Variants in NEDD1 observed in about 807,000 individuals in gnomAD.
NEDD1 encodes the protein protein NEDD1.
In NEDD1, 33 loss-of-function variants were observed where a neutral mutation model predicts 74.0. The observed-to-expected ratio is 0.45, with a 90% confidence interval of 0.34 to 0.60. NEDD1 has a LOEUF of 0.60. NEDD1 is among the 20% of genes least tolerant of loss of function. The pLI, the probability that NEDD1 is intolerant of heterozygous loss-of-function variation, is 0.01. For missense variants in NEDD1, 746 were observed against 776.5 expected, an observed-to-expected ratio of 0.96 and a Z score of 0.47; for synonymous variants, 250 against 264.4, an observed-to-expected ratio of 0.95 and a Z score of 0.53.
At chr12:96,928,549 T>G in intron 6 of NEDD1, among the ~76,000 whole-genome samples, 1 of 152,090 alleles carries the variant, frequency 6.6e-6, no homozygotes, top group East Asian at 1.9e-4. Context: ...TTGAAACCCT[T>G]TTAAGTCACT....
chr12:96,926,672 T>C (rs950164177), intron 6 of NEDD1, among the ~76,000 whole-genome samples: 3 of 152,070 alleles, frequency 2.0e-5, no homozygotes, highest in Non-Finnish European at 4.4e-5. Flanking sequence ...AAAGTTTTGT[T>C]AAGATTTCTC....
chr12:96,907,740 C>G lies in NEDD1; in HGVS notation c.-125C>G, dbSNP rs1048056626. 19 of 1,545,020 alleles carry G rather than the reference C, an allele frequency of 1.2e-5. No homozygotes were observed. The highest frequency in any genetic ancestry group is 1.6e-5 in the Non-Finnish European group (18 of 1,143,434). On this transcript the variant is annotated 5_prime_UTR_variant, in exon 2 of 16. Coordinates refer to ENST00000266742, the MANE Select transcript of NEDD1 (RefSeq NM_152905.4). Reference sequence around the variant, plus strand: ...TTGAATTGGTTCCTGTAGCCGCTGTCCCTAAACCCAGGCCGACGTTACCGC... The same window carrying G: ...TTGAATTGGTTCCTGTAGCCGCTGTGCCTAAACCCAGGCCGACGTTACCGC...
chr12:96,921,308 A>C (rs544439773), intron 6 of NEDD1, among the ~76,000 whole-genome samples: 1 of 152,266 alleles, frequency 6.6e-6, no homozygotes, highest in Admixed American at 6.5e-5. Flanking sequence ...CAGTCTCCCA[A>C]GTAACTGGGA....
Position 96,940,472 on chromosome 12 carries a change from A to G in NEDD1, c.1181A>G (p.Asp394Gly), listed in dbSNP as rs1188282616. The G allele has an allele frequency of 4.4e-6, 7 of 1,604,830 alleles. No homozygotes were observed. The highest frequency in any genetic ancestry group is 5.1e-6 in the Non-Finnish European group (6 of 1,172,638). The change falls in exon 10 of 16, where the codon GAT becomes GGT. Residue 394 changes from aspartate (D) to glycine (G), a missense_variant. Physicochemically the swap from Asp to Gly is moderately conservative, Grantham distance 94. Coordinates refer to ENST00000266742, the MANE Select transcript of NEDD1 (RefSeq NM_152905.4). ...GAAACAGACAGTGGAAAAAATCAGG[A>G]TTTCTCCAGCTTTGATGATACTGGG... ...SKETDSGKNQ[D>G]FSSFDDTGKS...
At chr12:96,951,316 A>C in intron 14 of NEDD1, 116 bp from the exon 15 acceptor site, 1 of 544,448 alleles carries the variant, frequency 1.8e-6, no homozygotes, top group Non-Finnish European at 3.3e-6. Flanking sequence ...TTTTATTATT[A>C]TAGTAATTAT....
At chr12:96,921,706 C>A (rs1592876321) in intron 6 of NEDD1, among the ~76,000 whole-genome samples, 1 of 149,650 alleles carries the variant, frequency 6.7e-6, no homozygotes, top group Non-Finnish European at 1.5e-5. Flanking sequence ...ATTGCCTATG[C>A]TGGAGTGCAG....
intron 14 of NEDD1, among the ~76,000 whole-genome samples, chr12:96,946,648 C>T (rs1878225946): frequency 6.6e-6 from 1 of 152,192 alleles, no homozygotes; most frequent in South Asian, 2.1e-4. Context: ...ACTAAGGATA[C>T]ATCAAATGAT....
intron 1 of NEDD1, 22 bp downstream of exon 1, chr12:96,907,322 G>A: frequency 5.5e-6 from 2 of 366,420 alleles, no homozygotes; most frequent in Non-Finnish European, 9.7e-6. Flanking sequence ...GAGGCCCTGA[G>A]GTCAGCGGGC....
rs1449088240 is a variant in NEDD1, at chr12:96,929,753, G to A, written c.490-5223G>A. On this transcript the variant is annotated intron_variant, in intron 6 of 15. Transcript: ENST00000266742. ...CACTTCTAGCAGATCTCCTCAGTGT[G>A]GGGCTCTGACCTGAGAGGGACACAC... Among the ~76,000 whole-genome samples the A allele has an allele frequency of 4.0e-5, 6 of 151,772 alleles. No individual in the cohort carries two copies. In the East Asian group the frequency reaches 1.2e-3, roughly 29 times the overall value.
Position 96,916,704 on chromosome 12 carries a change from C to T in NEDD1, c.232-917C>T, listed in dbSNP as rs571140820. Among the ~76,000 whole-genome samples the T allele has an allele frequency of 5.1e-4, 77 of 151,208 alleles. No homozygotes were observed. The Middle Eastern group carries it at 0.01, about 20-fold the overall frequency. ...AAGTCTTTGCTATTGTGAGTAATGCCGCAATAAACATACGTGTGCATGTGT... is the reference window on the plus strand; with the variant it reads ...AAGTCTTTGCTATTGTGAGTAATGCTGCAATAAACATACGTGTGCATGTGT... On this transcript the variant is annotated intron_variant, in intron 4 of 15. Transcript: ENST00000266742.
chr12:96,920,200 T>A, intron 6 of NEDD1, 75 bp downstream of exon 6: 1 of 918,224 alleles, frequency 1.1e-6, no homozygotes, highest in Non-Finnish European at 1.5e-6. Context: ...ACTGTGAATT[T>A]AAGTTTTTGA....
chr12:96,941,212 A>C (rs1877631678), intron 10 of NEDD1, among the ~76,000 whole-genome samples: 1 of 152,084 alleles, frequency 6.6e-6, no homozygotes. Flanking sequence ...ATCTCAGAAA[A>C]TACTCAGAGA....
intron 6 of NEDD1, among the ~76,000 whole-genome samples, chr12:96,926,215 C>G: frequency 6.6e-6 from 1 of 152,108 alleles, no homozygotes; most frequent in East Asian, 1.9e-4. Flanking sequence ...TGTGTTCCCT[C>G]CAAACCCAGT....
chr12:96,926,390 A>G (rs1318728562), intron 6 of NEDD1, among the ~76,000 whole-genome samples: 3 of 152,096 alleles, frequency 2.0e-5, no homozygotes, highest in African/African-American at 7.2e-5. Context: ...TTTTTCTTCA[A>G]TAAGTTATAC....
At chr12:96,908,242 A>G (rs1158055136) in intron 2 of NEDD1, among the ~76,000 whole-genome samples, 3 of 152,354 alleles carry the variant, frequency 2.0e-5, no homozygotes, top group East Asian at 3.9e-4. Flanking sequence ...AAGGAAGCAC[A>G]TGAGTGAATT....
chr12:96,920,395 A>G (rs77673365), intron 6 of NEDD1, among the ~76,000 whole-genome samples: 1,523 of 152,200 alleles, frequency 0.01, 69 homozygotes, highest in East Asian at 0.095. Flanking sequence ...AATAGGTTAA[A>G]TGTAAAAAAT....
Position 96,952,170 on chromosome 12 carries a change from T to A in NEDD1, c.*117T>A. 1 of 637,898 alleles carries A rather than the reference T, an allele frequency of 1.6e-6. No homozygotes were observed. Among genetic ancestry groups the A allele is most frequent in the Non-Finnish European group, 2.8e-6 (1 of 359,190 alleles). 39.5% of individuals were successfully genotyped at this position (637,898 alleles called of 1,614,324 possible). A position where few individuals can be genotyped will look rare whatever the true frequency, so the allele number is the denominator to read the frequency against. On this transcript the variant is annotated 3_prime_UTR_variant, in exon 16 of 16. Transcript: ENST00000266742. ...GGAAAAAATGTTTTTCAAGTAAGAG[T>A]AAAAGGATGATGGGATTTTATACCA...
At chr12:96,942,770 A>G in intron 11 of NEDD1, 146 bp downstream of exon 11, 1 of 586,814 alleles carries the variant, frequency 1.7e-6, no homozygotes, top group Non-Finnish European at 3.1e-6. Context: ...ACTGAGCATG[A>G]CTTGGCTGAG....
At chr12:96,927,860 C>T (rs1875881443) in intron 6 of NEDD1, among the ~76,000 whole-genome samples, 1 of 152,058 alleles carries the variant, frequency 6.6e-6, no homozygotes, top group Admixed American at 6.5e-5. Flanking sequence ...AAAACTTTGA[C>T]TACAAAGACT....
Sources: gnomAD v4.1 joint callset for allele counts (sites outside exome capture counted in the v4.1 genomes callset) on GRCh38, gnomAD v4.1.1 for gene constraint, MANE v1.5 for transcripts, NCBI Gene and HGNC (gene_info 2026-07-23, HGNC 2026-07-21) for gene names.